Variants in SATB2 observed in about 807,000 individuals in gnomAD.
SATB2 encodes the protein DNA-binding protein SATB2.
A neutral mutation model predicts 73.4 loss-of-function variants in SATB2; 1 was observed. That is an observed-to-expected ratio of 0.01 (90% CI 0.00 to 0.06). The LOEUF (loss-of-function observed/expected upper bound fraction) is 0.06, where lower values mean the gene tolerates loss of function less well. Among genes scored for constraint, SATB2 ranks in the 10% least tolerant of loss-of-function variants. The pLI is 1.00. For synonymous variants in SATB2, 397 were observed against 367.0 expected (o/e 1.08, Z -0.93); for missense variants, 459 against 945.8 (o/e 0.49, Z 6.75).
intron 9 of SATB2, among the ~76,000 whole-genome samples, chr2:199,316,650 C>T (rs1687743015): frequency 6.6e-6 from 1 of 151,884 alleles, no homozygotes; most frequent in South Asian, 2.1e-4. Context: ...TCAGAACAGC[C>T]CTTTAAACCT....
intron 3 of SATB2, among the ~76,000 whole-genome samples, chr2:199,421,862 G>T (rs1014955351): frequency 6.6e-6 from 1 of 152,158 alleles, no homozygotes; most frequent in African/African-American, 2.4e-5. Flanking sequence ...ATCTGGCCTT[G>T]CACCTGCAAT....
chr2:199,446,482 T>TG (rs1691965772), intron 2 of SATB2, among the ~76,000 whole-genome samples: 1 of 151,974 alleles, frequency 6.6e-6, no homozygotes, highest in African/African-American at 2.4e-5. Context: ...GGTGATCGTA[T>TG]GAAAAAAAAA....
chr2:199,276,549 T>G (rs1467742830), intron 10 of SATB2, among the ~76,000 whole-genome samples: 3 of 152,156 alleles, frequency 2.0e-5, no homozygotes, highest in Non-Finnish European at 2.9e-5. Flanking sequence ...GCATAATTTT[T>G]TTGTTAATTA....
chr2:199,346,140 T>G (rs1454325345), intron 7 of SATB2, among the ~76,000 whole-genome samples: 1 of 151,950 alleles, frequency 6.6e-6, no homozygotes, highest in Non-Finnish European at 1.5e-5. Flanking sequence ...AAACTTATTT[T>G]TCTTTTTTTC....
chr2:199,318,946 A>G (rs1009964803), intron 9 of SATB2, among the ~76,000 whole-genome samples: 2 of 152,162 alleles, frequency 1.3e-5, no homozygotes, highest in African/African-American at 4.8e-5. Context: ...CATCTAAAAC[A>G]TAAGTACACT....
rs1049603079 is a variant in SATB2, at chr2:199,423,182, A to C, written c.346+10156T>G. 4.6e-5 allele frequency among the ~76,000 whole-genome samples: 7 copies of C among 152,166 alleles called. No individual in the cohort carries two copies. In the South Asian group the frequency reaches 1.4e-3, roughly 32 times the overall value. Reference sequence around the variant, plus strand: ...CATAATATAATGTTAGGTCCTACCTAACATTTTATTACATATTGAGTTGCT... The same window carrying C: ...CATAATATAATGTTAGGTCCTACCTCACATTTTATTACATATTGAGTTGCT... On this transcript the variant is annotated intron_variant, in intron 3 of 10. Coordinates refer to ENST00000417098, the MANE Select transcript of SATB2 (RefSeq NM_001172509.2).
chr2:199,386,706 GCGCGCGCGCGCACACACACACA>G (rs763588083), intron 3 of SATB2, among the ~76,000 whole-genome samples: 7,500 of 95,930 alleles, frequency 0.078, 272 homozygotes, highest in Admixed American at 0.11. Context: ...GCGCGCGCGC[GCGCGCGCGCGCACACACACACA>G]CACACACACA....
At chr2:199,445,035 A>G (rs984878795) in intron 2 of SATB2, among the ~76,000 whole-genome samples, 16 of 152,218 alleles carry the variant, frequency 1.1e-4, no homozygotes, top group Non-Finnish European at 2.1e-4. Context: ...CTTTCAAGCT[A>G]TACATCAATC....
chr2:199,331,365 G>A (rs1402200080), intron 7 of SATB2, among the ~76,000 whole-genome samples: 1 of 152,046 alleles, frequency 6.6e-6, no homozygotes, highest in Non-Finnish European at 1.5e-5. Context: ...TGAGGTGAAA[G>A]AGACACAATA....
intron 9 of SATB2, among the ~76,000 whole-genome samples, chr2:199,309,442 C>T (rs757916212): frequency 2.0e-5 from 3 of 152,170 alleles, no homozygotes; most frequent in African/African-American, 4.8e-5. Flanking sequence ...TCAATAACTC[C>T]ACAAAATAGA....
At position 199,422,314 on chromosome 2, in the gene SATB2, G is replaced by T. The variant is rs546346990; in HGVS notation, c.346+11024C>A. On this transcript the variant is annotated intron_variant, in intron 3 of 10. Transcript: ENST00000417098. ...TTAAAAATTTTTAGTTTTTTTTTTT[G>T]TAATTAACAAGTATTATACTTTATA... Among the ~76,000 whole-genome samples, 633 of 146,058 alleles carry T rather than the reference G, an allele frequency of 4.3e-3. 3 individuals carry two copies. The highest frequency in any genetic ancestry group is 7.5e-3 in the Non-Finnish European group (498 of 66,312).
rs894329615 is a variant in SATB2 at position 199,271,850 on chromosome 2, T to C, written c.*361A>G. On this transcript the variant is annotated 3_prime_UTR_variant, in exon 11 of 11. Transcript: ENST00000417098. ...TTCCTTCATTTATTTCATAGTTCTTTTCATCCTGGTACTTGCCTGATGTAA... is the reference window on the plus strand; with the variant it reads ...TTCCTTCATTTATTTCATAGTTCTTCTCATCCTGGTACTTGCCTGATGTAA... The C allele has an allele frequency of 6.1e-6, 2 of 325,938 alleles. No homozygotes were observed. Among genetic ancestry groups the C allele is most frequent in the African/African-American group, 4.3e-5 (2 of 46,824 alleles). 20.2% of individuals were successfully genotyped at this position (325,938 alleles called of 1,614,324 possible).
intron 9 of SATB2, 80 bp downstream of exon 9, chr2:199,323,722 GA>G: frequency 7.5e-7 from 1 of 1,334,120 alleles, no homozygotes; most frequent in Admixed American, 1.7e-5. Flanking sequence ...ATTATTATAG[GA>G]ACAGATGTAT....
intron 8 of SATB2, among the ~76,000 whole-genome samples, chr2:199,324,369 A>G (rs1242464846): frequency 6.6e-6 from 1 of 152,172 alleles, no homozygotes; most frequent in Non-Finnish European, 1.5e-5. Flanking sequence ...TCTCTAAATA[A>G]TAAATTATTA....
chr2:199,355,022 G>T (rs893378394), intron 6 of SATB2, among the ~76,000 whole-genome samples: 1 of 151,802 alleles, frequency 6.6e-6, no homozygotes. Flanking sequence ...ACAATTAAAA[G>T]GTATTTGGTC....
chr2:199,402,399 G>A (rs1157045657), intron 3 of SATB2, among the ~76,000 whole-genome samples: 1 of 151,498 alleles, frequency 6.6e-6, no homozygotes, highest in East Asian at 1.9e-4. Context: ...AAAAAGATTT[G>A]ATACATTATC....
At chr2:199,402,960 G>C (rs1008288228) in intron 3 of SATB2, among the ~76,000 whole-genome samples, 2 of 152,136 alleles carry the variant, frequency 1.3e-5, no homozygotes, top group African/African-American at 4.8e-5. Flanking sequence ...TCTAAGTCCA[G>C]GTTAACTGTA....
intron 3 of SATB2, among the ~76,000 whole-genome samples, chr2:199,422,340 A>G (rs1413219288): frequency 6.6e-6 from 1 of 151,846 alleles, no homozygotes; most frequent in Non-Finnish European, 1.5e-5. Context: ...ATACTTTATA[A>G]TTAGAAAAAA....
chr2:199,468,429 C>G (rs1424435090), upstream of SATB2, among the ~76,000 whole-genome samples: 1 of 152,072 alleles, frequency 6.6e-6, no homozygotes, highest in Non-Finnish European at 1.5e-5. Context: ...AGGACATTAG[C>G]TCTGGGAGCA....
Sources: gnomAD v4.1 joint callset for allele counts (sites outside exome capture counted in the v4.1 genomes callset) on GRCh38, gnomAD v4.1.1 for gene constraint, MANE v1.5 for transcripts, NCBI Gene and HGNC (gene_info 2026-07-23, HGNC 2026-07-21) for gene names.